The following SYN3 variants were observed in gnomAD, a reference collection of about 807,000 sequenced individuals.
SYN3 encodes synapsin-3.
SYN3 carries 35 observed loss-of-function variants against 65.8 expected under a neutral mutation model. The ratio of observed to expected loss-of-function variants is 0.53; its 90% CI spans 0.41 to 0.70. SYN3 has a LOEUF of 0.70. SYN3 is among the 30% of genes least tolerant of loss of function. The pLI, the probability that SYN3 is intolerant of heterozygous loss-of-function variation, is 0.00. For missense variants in SYN3, 680 were observed against 749.0 expected (o/e 0.91, Z 1.08); for synonymous variants, 270 against 292.9 (o/e 0.92, Z 0.80).
intron 6 of SYN3, among the ~76,000 whole-genome samples, chr22:32,625,699 C>T (rs1450169567): frequency 6.6e-6 from 1 of 152,200 alleles, no homozygotes; most frequent in African/African-American, 2.4e-5. Context: ...TTCTGCTCTT[C>T]CCACCTCTTC....
At chr22:32,773,136 T>A (rs532276111) in intron 6 of SYN3, among the ~76,000 whole-genome samples, 1 of 151,868 alleles carries the variant, frequency 6.6e-6, no homozygotes, top group African/African-American at 2.4e-5. Context: ...GTGTCGGGCG[T>A]GGTGGCTCAT....
chr22:32,537,905 A>T, intron 9 of SYN3, 131 bp downstream of exon 9: 1 of 716,390 alleles, frequency 1.4e-6, no homozygotes, highest in Non-Finnish European at 2.4e-6. Context: ...TCATGTCTAA[A>T]AAAGTGCTCT....
chr22:32,538,038 C>A lies in SYN3; in HGVS notation c.990G>T (p.Glu330Asp). 2 of 1,614,140 alleles carry A rather than the reference C, an allele frequency of 1.2e-6. No individual in the cohort carries two copies. Among genetic ancestry groups the A allele is most frequent in the Non-Finnish European group, 1.7e-6 (2 of 1,180,002 alleles). Reference sequence around the variant, plus strand: ...CCTACACCTCCTTTGTCTCTTACCTCTCTGTCATGGCCACCTGCTCCAGCA... The same window carrying A: ...CCTACACCTCCTTTGTCTCTTACCTATCTGTCATGGCCACCTGCTCCAGCA... ...SAMLEQVAMT[E>D]RYRLWVDSCS... The change falls in exon 9 of 14, where the codon GAG becomes GAT. Residue 330 changes from glutamate (E) to aspartate (D), a missense_variant and splice_region_variant. Glu to Asp is a conservative substitution (Grantham distance 45). Coordinates refer to ENST00000358763, the MANE Select transcript of SYN3 (RefSeq NM_003490.4).
intron 6 of SYN3, among the ~76,000 whole-genome samples, chr22:32,717,947 C>G (rs1432562663): frequency 6.6e-6 from 1 of 152,190 alleles, no homozygotes; most frequent in African/African-American, 2.4e-5. Flanking sequence ...CATGTGGGTT[C>G]AACAGGTTTA....
At chr22:32,656,439 G>A (rs1004438641) in intron 6 of SYN3, among the ~76,000 whole-genome samples, 1 of 152,218 alleles carries the variant, frequency 6.6e-6, no homozygotes, top group East Asian at 1.9e-4. Context: ...GCTGTATCAG[G>A]ATAGTGCTTT....
At chr22:32,969,183 C>T (rs943285760) in intron 3 of SYN3, among the ~76,000 whole-genome samples, 2 of 152,222 alleles carry the variant, frequency 1.3e-5, no homozygotes, top group African/African-American at 2.4e-5. Context: ...CTCCCTTTGA[C>T]TCCCATGCCT....
rs891676019 is a variant in SYN3, at chr22:32,801,908, C to T, written c.711+63007G>A. 6.4e-6 allele frequency: 9 copies of T among 1,405,626 alleles called. No individual in the cohort carries two copies. The highest frequency in any genetic ancestry group is 8.3e-6 in the Non-Finnish European group (9 of 1,086,780). 87.1% of individuals were successfully genotyped at this position (1,405,626 alleles called of 1,614,324 possible). The stretch of plus-strand genomic sequence containing the variant: ...AGGTTGCCCCGCACGGCCCGGCGGG[C>T]GAGCGAGCTCGGGCTGCAGCAGCCC... On this transcript the variant is annotated intron_variant, in intron 6 of 13. Transcript: ENST00000358763. This position sits in a 1 kb window ranked among gnomAD's most constrained non-coding sequence, Gnocchi z 4.7.
At chr22:32,563,302 T>A (rs1183476761) in intron 7 of SYN3, among the ~76,000 whole-genome samples, 2 of 152,166 alleles carry the variant, frequency 1.3e-5, no homozygotes, top group Non-Finnish European at 1.5e-5. Flanking sequence ...GTAAGGGCAA[T>A]GAGACATGTC....
intron 3 of SYN3, among the ~76,000 whole-genome samples, chr22:32,972,017 G>C (rs1249595784): frequency 6.6e-6 from 1 of 152,162 alleles, no homozygotes; most frequent in Non-Finnish European, 1.5e-5. Context: ...GTCATTGGAT[G>C]TAACTGCCAC....
At chr22:32,576,332 C>A (rs1601674670) in intron 7 of SYN3, among the ~76,000 whole-genome samples, 1 of 152,194 alleles carries the variant, frequency 6.6e-6, no homozygotes, top group East Asian at 1.9e-4. Context: ...ATTCACCATT[C>A]TTCCCACTGG....
At chr22:32,978,447 C>T (rs2052274402) in intron 3 of SYN3, among the ~76,000 whole-genome samples, 2 of 152,104 alleles carry the variant, frequency 1.3e-5, no homozygotes, top group Admixed American at 1.3e-4. Flanking sequence ...TTTTGGAGAA[C>T]CACACCGCAT....
chr22:32,536,347 G>T (rs968059806), intron 9 of SYN3, among the ~76,000 whole-genome samples: 11 of 152,236 alleles, frequency 7.2e-5, no homozygotes, highest in African/African-American at 2.7e-4. Flanking sequence ...GGAAGGACAG[G>T]TGTTCCTCCC....
intron 6 of SYN3, among the ~76,000 whole-genome samples, chr22:32,737,618 A>G (rs1250109651): frequency 2.0e-5 from 3 of 152,138 alleles, no homozygotes; most frequent in Non-Finnish European, 4.4e-5. Context: ...TTCCAGCTTC[A>G]TCCATGTCCA....
At chr22:32,540,973 A>C (rs1601596883) in intron 8 of SYN3, among the ~76,000 whole-genome samples, 1 of 152,198 alleles carries the variant, frequency 6.6e-6, no homozygotes, top group African/African-American at 2.4e-5. Flanking sequence ...ATGTTTCTGA[A>C]ATTGATAATT....
intron 4 of SYN3, among the ~76,000 whole-genome samples, chr22:32,915,156 A>G (rs747850689): frequency 1.3e-4 from 20 of 152,208 alleles, no homozygotes; most frequent in Non-Finnish European, 2.4e-4. Context: ...TAGCATTAGG[A>G]GAAATACCTA....
At chr22:32,773,693 C>T (rs1470810467) in intron 6 of SYN3, among the ~76,000 whole-genome samples, 1 of 152,160 alleles carries the variant, frequency 6.6e-6, no homozygotes, top group African/African-American at 2.4e-5. Flanking sequence ...GTATGCTGGG[C>T]TCTGGGCTGG....
intron 6 of SYN3, among the ~76,000 whole-genome samples, chr22:32,780,609 A>C (rs1441051945): frequency 6.6e-6 from 1 of 152,124 alleles, no homozygotes; most frequent in Non-Finnish European, 1.5e-5. Flanking sequence ...TTACACCTTG[A>C]CCTCAAATAT....
intron 7 of SYN3, among the ~76,000 whole-genome samples, chr22:32,586,120 A>G (rs1333844055): frequency 6.6e-6 from 1 of 150,566 alleles, no homozygotes; most frequent in Non-Finnish European, 1.5e-5. Context: ...ATATGTATAT[A>G]TGTATATGTA....
intron 1 of SYN3, among the ~76,000 whole-genome samples, chr22:33,053,480 C>G (rs886948441): frequency 2.6e-5 from 4 of 152,170 alleles, no homozygotes; most frequent in Non-Finnish European, 5.9e-5. Context: ...GAAAGACAGG[C>G]TGTTGGGACC....
Sources: allele counts gnomAD v4.1 joint callset (sites outside exome capture counted in the v4.1 genomes callset), GRCh38; gene constraint gnomAD v4.1.1; non-coding constraint Gnocchi (gnomAD v3.1); transcripts MANE v1.5; gene names NCBI Gene and HGNC (gene_info 2026-07-23, HGNC 2026-07-21).